NUP107: variants seen among roughly 807,000 people sequenced by gnomAD.
The protein encoded by NUP107 is nucleoporin 107.
NUP107 carries 101 observed loss-of-function variants against 141.0 expected under a neutral mutation model. The observed-to-expected ratio is 0.72, with a 90% CI of 0.61 to 0.84. The LOEUF (loss-of-function observed/expected upper bound fraction) is 0.84, where lower values mean the gene tolerates loss of function less well. Ranked by LOEUF, NUP107 falls within the 40% of genes least tolerant of loss-of-function variation. The pLI is 0.00. For synonymous variants in NUP107, 319 were observed against 363.9 expected (o/e 0.88, Z 1.41); for missense variants, 941 against 1,102.7 (o/e 0.85, Z 2.08).
chr12:68,691,841 G>GGA (rs1005833146), intron 4 of NUP107, 127 bp from the exon 5 acceptor site: 636 of 576,558 alleles, frequency 1.1e-3, no homozygotes, highest in South Asian at 3.0e-3. Flanking sequence ...CTCAAGAAGG[G>GGA]AAAAAAAAAA....
intron 11 of NUP107, 49 bp from the exon 12 acceptor site, chr12:68,715,578 T>G (rs1877066833): frequency 1.0e-6 from 1 of 958,968 alleles, no homozygotes; most frequent in Admixed American, 1.8e-5. Flanking sequence ...AAAATGTATG[T>G]AAGTACAAAG....
At chr12:68,696,738 C>T in intron 5 of NUP107, 81 bp from the exon 6 acceptor site, 1 of 754,564 alleles carries the variant, frequency 1.3e-6, no homozygotes, top group Non-Finnish European at 2.1e-6. Flanking sequence ...CAAATAAATA[C>T]ATTTTCAAAC....
At chr12:68,741,043 C>T (rs1878299881) in intron 26 of NUP107, among the ~76,000 whole-genome samples, 1 of 148,622 alleles carries the variant, frequency 6.7e-6, no homozygotes, top group Non-Finnish European at 1.5e-5. Context: ...GAGATGCTGT[C>T]TCAGAAAAGA....
At chr12:68,710,126 T>A in intron 10 of NUP107, 33 bp downstream of exon 10, 1 of 1,055,162 alleles carries the variant, frequency 9.5e-7, no homozygotes, top group Non-Finnish European at 1.5e-6. Flanking sequence ...TTAAGGTCAC[T>A]CAATGTTGAT....
intron 26 of NUP107, chr12:68,739,584 TC>T (rs1878233771): frequency 1.3e-5 from 2 of 152,386 alleles, no homozygotes; most frequent in South Asian, 2.1e-4. Flanking sequence ...ACGCCTGTAA[TC>T]CCAGCACTTT....
chr12:68,742,764 T>C lies in NUP107; in HGVS notation c.*302T>C, dbSNP rs975224022. 2 of 159,530 alleles carry C rather than the reference T, an allele frequency of 1.3e-5. No individual in the cohort carries two copies. Among genetic ancestry groups the C allele is most frequent in the African/African-American group, 2.4e-5 (1 of 41,876 alleles). The allele number at this position is 159,530 out of a possible 1,614,324, so 9.9% of individuals were successfully genotyped here. ...TAGTTTTTTCTGTAATCATAAGCATTCTGATATTTTAAAATCATAAAGATG... is the reference window on the plus strand; with the variant it reads ...TAGTTTTTTCTGTAATCATAAGCATCCTGATATTTTAAAATCATAAAGATG... On this transcript the variant is annotated 3_prime_UTR_variant, in exon 28 of 28. Transcript: ENST00000229179.
rs186546939 is a variant in NUP107 at position 68,705,442 on chromosome 12, C to T, written c.729+2658C>T. ...CTTCTGGATTTTAAAGGGAGTATCT[C>T]ACTTTACAGTTAAGTATAGTCAGCC... On this transcript the variant is annotated intron_variant, in intron 8 of 27. Transcript: ENST00000229179. 6.1e-4 allele frequency among the ~76,000 whole-genome samples: 92 copies of T among 151,272 alleles called. 2 individuals are homozygous for T. The highest frequency in any genetic ancestry group is 8.8e-5 in the Non-Finnish European group (6 of 67,914).
intron 8 of NUP107, among the ~76,000 whole-genome samples, chr12:68,704,013 A>C (rs768327365): frequency 2.0e-5 from 3 of 152,186 alleles, no homozygotes; most frequent in Admixed American, 6.5e-5. Context: ...GTTCAAGGCT[A>C]CGGTGAGCTA....
intron 23 of NUP107, 35 bp from the exon 24 acceptor site, chr12:68,733,417 C>T (rs202174283): frequency 1.2e-4 from 183 of 1,585,704 alleles, no homozygotes; most frequent in Non-Finnish European, 1.5e-4. Flanking sequence ...CAGAGAAGTC[C>T]GTAGGCATTC....
intron 12 of NUP107, among the ~76,000 whole-genome samples, chr12:68,716,862 G>A (rs1877137048): frequency 6.6e-6 from 1 of 151,870 alleles, no homozygotes; most frequent in Admixed American, 6.6e-5. Flanking sequence ...GTTTTCTTCT[G>A]TGCTATCAAC....
chr12:68,726,379 A>G, intron 18 of NUP107, 120 bp from the exon 19 acceptor site: 2 of 650,190 alleles, frequency 3.1e-6, no homozygotes, highest in South Asian at 1.9e-5. Context: ...TATCATGGCT[A>G]TTAATTATGA....
rs909421149 is a variant in NUP107 at position 68,745,118 on chromosome 12, G to A, written c.*2656G>A. On this transcript the variant is annotated 3_prime_UTR_variant, in exon 28 of 28. Transcript: ENST00000229179. ...AATTTAGAGATGGGGGTCTCACTAT[G>A]TTGCCCATCCCGGCTTCCAACTCCT... is the stretch of plus-strand genomic sequence containing the variant. 4 of 152,126 alleles carry A rather than the reference G, an allele frequency of 2.6e-5. No individual in the cohort carries two copies. Among genetic ancestry groups the A allele is most frequent in the African/African-American group, 9.7e-5 (4 of 41,414 alleles). 9.4% of individuals were successfully genotyped at this position (152,126 alleles called of 1,614,324 possible). A position where few individuals can be genotyped will look rare whatever the true frequency, so the allele number is the denominator to read the frequency against.
chr12:68,708,439 C>T (rs2910103), intron 8 of NUP107, among the ~76,000 whole-genome samples: 46,511 of 151,880 alleles, frequency 0.31, 7,193 homozygotes, highest in Middle Eastern at 0.34. Context: ...TTTTAATATA[C>T]TGCTTAGTAT....
At chr12:68,718,570 A>G (rs557732366) in intron 12 of NUP107, among the ~76,000 whole-genome samples, 6 of 152,144 alleles carry the variant, frequency 3.9e-5, no homozygotes, top group Non-Finnish European at 7.3e-5. Flanking sequence ...AGCAGAATTA[A>G]ATGCCAGTGG....
In NUP107 at chr12:68,687,031, G is replaced by C. The variant is rs1157707228; in HGVS notation, c.-35G>C. Reference sequence around the variant, plus strand: ...GCTAAAACGCGGTAGCTAAACTGCAGCCAACTTTGGTTGTGTGTGGAAAAG... The same window carrying C: ...GCTAAAACGCGGTAGCTAAACTGCACCCAACTTTGGTTGTGTGTGGAAAAG... On this transcript the variant is annotated 5_prime_UTR_variant, in exon 1 of 28. Coordinates refer to ENST00000229179, the MANE Select transcript of NUP107 (RefSeq NM_020401.4). The C allele has an allele frequency of 1.8e-5, 29 of 1,614,010 alleles. No individual in the cohort carries two copies. The highest frequency in any genetic ancestry group is 2.5e-5 in the Non-Finnish European group (29 of 1,179,968).
chr12:68,732,585 T>A (rs1159696280), intron 22 of NUP107, 52 bp from the exon 23 acceptor site: 306 of 973,098 alleles, frequency 3.1e-4, no homozygotes, highest in East Asian at 6.0e-4. Flanking sequence ...AGAATATCTT[T>A]AAAAAAAAAA....
At chr12:68,726,851 C>T (rs1877588879) in intron 19 of NUP107, among the ~76,000 whole-genome samples, 1 of 152,166 alleles carries the variant, frequency 6.6e-6, no homozygotes, top group African/African-American at 2.4e-5. Context: ...AAATTCATAA[C>T]TTTATCCTTG....
At position 68,742,551 on chromosome 12, in the gene NUP107, C is replaced by A; in HGVS notation, c.*89C>A. 1.6e-6 allele frequency: 1 copy of A among 637,064 alleles called. No homozygotes were observed. 39.5% of individuals were successfully genotyped at this position (637,064 alleles called of 1,614,324 possible). ...ATTAGTAATTTTTTCTTTTGCATTA[C>A]CATGTAAAATTTAGACATTTGAATT... On this transcript the variant is annotated 3_prime_UTR_variant, in exon 28 of 28. Transcript: ENST00000229179.
chr12:68,697,272 A>T (rs1167498485), intron 6 of NUP107, among the ~76,000 whole-genome samples: 1 of 151,958 alleles, frequency 6.6e-6, no homozygotes, highest in Non-Finnish European at 1.5e-5. Context: ...TACAAGAAAT[A>T]CATTTGCCAA....
Sources: allele counts gnomAD v4.1 joint callset (sites outside exome capture counted in the v4.1 genomes callset), GRCh38; gene constraint gnomAD v4.1.1; transcripts MANE v1.5; gene names NCBI Gene and HGNC (gene_info 2026-07-23, HGNC 2026-07-21).